Variants in MAF observed in about 807,000 individuals in gnomAD.
MAF encodes MAF bZIP transcription factor, also known as transcription factor Maf.
In MAF, 10 loss-of-function variants were observed where a neutral mutation model predicts 22.0. The observed-to-expected ratio is 0.45, with a 90% confidence interval of 0.28 to 0.77. The LOEUF is 0.77. Among genes scored for constraint, MAF ranks in the 30% least tolerant of loss-of-function variants. The probability of loss-of-function intolerance (pLI) is 0.12; values close to 1 mark genes in which losing one functional copy is unlikely to be tolerated. For synonymous variants in MAF, 337 were observed against 255.8 expected (o/e 1.32, Z -3.03); for missense variants, 544 against 548.4 (o/e 0.99, Z 0.08).
At chr16:79,334,614 A>C in the MAF span, among the ~76,000 whole-genome samples, 2 of 152,050 alleles carry the variant, frequency 1.3e-5, no homozygotes, top group African/African-American at 2.4e-5. Context: ...AATTCTTAGG[A>C]CTTTCAGGAT....
the MAF span, among the ~76,000 whole-genome samples, chr16:79,331,311 G>A: frequency 4.6e-5 from 7 of 152,166 alleles, no homozygotes; most frequent in African/African-American, 9.7e-5. Context: ...GGTGAGGAAC[G>A]GGGTGGTGTT....
chr16:79,327,460 G>C, the MAF span, among the ~76,000 whole-genome samples: 5 of 152,152 alleles, frequency 3.3e-5, no homozygotes, highest in Middle Eastern at 6.3e-3. Context: ...GGATGGCAGT[G>C]TCCATGCACG....
chr16:79,504,323 A>G, the MAF span, among the ~76,000 whole-genome samples: 1 of 152,166 alleles, frequency 6.6e-6, no homozygotes, highest in African/African-American at 2.4e-5. Context: ...ACCTGTCCCC[A>G]CCACTCAGAT....
At chr16:79,237,327 T>A in the MAF span, among the ~76,000 whole-genome samples, 35 of 152,228 alleles carry the variant, frequency 2.3e-4, no homozygotes, top group South Asian at 7.3e-3. Flanking sequence ...ACTTTGTCAT[T>A]GGTCACATTA....
chr16:79,228,953 T>C, the MAF span, among the ~76,000 whole-genome samples: 1 of 151,682 alleles, frequency 6.6e-6, no homozygotes, highest in Non-Finnish European at 1.5e-5. Context: ...CGGTGGGGAA[T>C]GAGGGGCCAA....
chr16:79,446,052 A>G, the MAF span, among the ~76,000 whole-genome samples: 2 of 152,102 alleles, frequency 1.3e-5, no homozygotes, highest in Non-Finnish European at 2.9e-5. Context: ...AAAGAAAGAA[A>G]AGAGAGACAG....
chr16:79,352,956 A>C, the MAF span, among the ~76,000 whole-genome samples: 4 of 152,178 alleles, frequency 2.6e-5, no homozygotes, highest in African/African-American at 9.7e-5. Flanking sequence ...AACTCAATAT[A>C]TGTCAGTATA....
At chr16:79,287,545 C>T in the MAF span, among the ~76,000 whole-genome samples, 8 of 152,166 alleles carry the variant, frequency 5.3e-5, no homozygotes, top group Non-Finnish European at 1.2e-4. Context: ...CCATGACCCA[C>T]GTGTAATTAA....
At chr16:79,430,772 G>A in the MAF span, among the ~76,000 whole-genome samples, 3 of 152,324 alleles carry the variant, frequency 2.0e-5, no homozygotes, top group South Asian at 4.1e-4. Context: ...GGGTGAGCAC[G>A]GCCCCCAGTC....
chr16:79,547,370 C>T, the MAF span, among the ~76,000 whole-genome samples: 4 of 151,844 alleles, frequency 2.6e-5, no homozygotes, highest in South Asian at 2.1e-4. Context: ...TATCTACATC[C>T]CCCGAACCTG....
chr16:79,216,317 G>A, the MAF span, among the ~76,000 whole-genome samples: 16 of 152,298 alleles, frequency 1.1e-4, no homozygotes, highest in African/African-American at 3.6e-4. Flanking sequence ...ACACATATAT[G>A]TGGCACATGT....
chr16:79,582,052 G>T (rs910644151), downstream of MAF, among the ~76,000 whole-genome samples: 1 of 152,086 alleles, frequency 6.6e-6, no homozygotes, highest in Non-Finnish European at 1.5e-5. Flanking sequence ...CTGTCTTACT[G>T]TTGTCCTGCC....
chr16:79,511,621 A>G, the MAF span, among the ~76,000 whole-genome samples: 2 of 152,226 alleles, frequency 1.3e-5, no homozygotes, highest in Admixed American at 1.3e-4. Context: ...CAGCAGCCTG[A>G]TCCTGGCACT....
the MAF span, among the ~76,000 whole-genome samples, chr16:79,420,366 T>C: frequency 6.6e-6 from 1 of 152,266 alleles, no homozygotes; most frequent in African/African-American, 2.4e-5. Context: ...CACAGTCACG[T>C]TTCTGAACAC....
the MAF span, among the ~76,000 whole-genome samples, chr16:79,295,220 C>G: frequency 2.4e-4 from 37 of 152,160 alleles, no homozygotes; most frequent in African/African-American, 8.2e-4. Flanking sequence ...GTCTTTGGAG[C>G]TGTTTACACA....
At chr16:79,422,354 A>T in the MAF span, among the ~76,000 whole-genome samples, 1 of 152,106 alleles carries the variant, frequency 6.6e-6, no homozygotes, top group Non-Finnish European at 1.5e-5. Flanking sequence ...TTCTGTTTTT[A>T]TTAGTGCTCC....
At chr16:79,300,982 G>A in the MAF span, among the ~76,000 whole-genome samples, 1 of 151,986 alleles carries the variant, frequency 6.6e-6, no homozygotes, top group Non-Finnish European at 1.5e-5. Flanking sequence ...GGGCAGAAGG[G>A]GGAGGAGACG....
At chr16:79,538,088 A>G in the MAF span, among the ~76,000 whole-genome samples, 1 of 152,344 alleles carries the variant, frequency 6.6e-6, no homozygotes, top group South Asian at 2.1e-4. Flanking sequence ...GAAAATTAAA[A>G]GGCATTATTT....
the MAF span, among the ~76,000 whole-genome samples, chr16:79,390,187 T>A: frequency 0.01 from 1,587 of 152,096 alleles, 29 homozygotes; most frequent in African/African-American, 0.036. Flanking sequence ...ACTGGGCGAA[T>A]CTGAACGACT....
Sources: allele counts gnomAD v4.1 joint callset (sites outside exome capture counted in the v4.1 genomes callset), GRCh38; gene constraint gnomAD v4.1.1; transcripts MANE v1.5; gene names NCBI Gene and HGNC (gene_info 2026-07-23, HGNC 2026-07-21).